The following TEAD4 variants were observed in gnomAD, a reference collection of about 807,000 sequenced individuals.
The protein encoded by TEAD4 is transcriptional enhancer factor TEF-3.
A neutral mutation model predicts 52.4 loss-of-function variants in TEAD4; 36 were observed. The ratio of observed to expected loss-of-function variants is 0.69; its 90% CI spans 0.53 to 0.91. The LOEUF (loss-of-function observed/expected upper bound fraction) is 0.91. Among genes scored for constraint, TEAD4 ranks in the 40% least tolerant of loss-of-function variants. The pLI is 0.00. For missense variants in TEAD4, 508 were observed against 583.9 expected (o/e 0.87, Z 1.34); for synonymous variants, 220 against 231.0 (o/e 0.95, Z 0.43).
intron 3 of TEAD4, among the ~76,000 whole-genome samples, chr12:2,997,347 C>G: frequency 6.6e-6 from 1 of 152,322 alleles, no homozygotes; most frequent in East Asian, 1.9e-4. Context: ...TTACTTTTAG[C>G]GCCTGGGGAA....
At chr12:3,001,176 A>G (rs2098251407) in intron 3 of TEAD4, among the ~76,000 whole-genome samples, 1 of 152,202 alleles carries the variant, frequency 6.6e-6, no homozygotes, top group Non-Finnish European at 1.5e-5. Flanking sequence ...TGTAAAGTGG[A>G]GGTCATAATA....
At chr12:2,986,051 A>G (rs1306959925) in intron 2 of TEAD4, among the ~76,000 whole-genome samples, 2 of 152,032 alleles carry the variant, frequency 1.3e-5, no homozygotes, top group Non-Finnish European at 2.9e-5. Context: ...GCGTCACTGC[A>G]TTCCAGCCTG....
At chr12:2,963,254 C>G (rs1218312739) in intron 2 of TEAD4, among the ~76,000 whole-genome samples, 1 of 152,228 alleles carries the variant, frequency 6.6e-6, no homozygotes, top group African/African-American at 2.4e-5. Flanking sequence ...GTGACTGTCA[C>G]AAAGCAATGC....
At chr12:3,035,823 C>CA (rs760133553) in intron 10 of TEAD4, among the ~76,000 whole-genome samples, 91,128 of 120,750 alleles carry the variant, frequency 0.75, 37,523 homozygotes, top group East Asian at 0.93. Context: ...CTGTCTTTAA[C>CA]AAAAAAAAAA....
chr12:3,015,251 T>C (rs1373713315), intron 5 of TEAD4, among the ~76,000 whole-genome samples: 6 of 151,764 alleles, frequency 4.0e-5, no homozygotes, highest in Admixed American at 6.6e-5. Flanking sequence ...TTGGTTTGCA[T>C]GGCCCCCCGT....
intron 3 of TEAD4, among the ~76,000 whole-genome samples, chr12:2,996,280 C>T (rs2098247063): frequency 6.6e-6 from 1 of 152,166 alleles, no homozygotes; most frequent in Non-Finnish European, 1.5e-5. Context: ...GGTGCCACCC[C>T]CACCATTGTT....
intron 2 of TEAD4, among the ~76,000 whole-genome samples, chr12:2,974,675 G>A (rs111509351): frequency 1.3e-5 from 2 of 152,204 alleles, no homozygotes; most frequent in Non-Finnish European, 2.9e-5. Flanking sequence ...GGCATTCCCC[G>A]GTGTGGAGAC....
At chr12:3,035,829 A>AC (rs1307149375) in intron 10 of TEAD4, among the ~76,000 whole-genome samples, 2 of 150,488 alleles carry the variant, frequency 1.3e-5, no homozygotes, top group Admixed American at 6.6e-5. Context: ...TTAACAAAAA[A>AC]AAAAAAAAAG....
In TEAD4 at chr12:3,040,139, C is replaced by T. The variant is rs772765432; in HGVS notation, c.1071C>T (p.Tyr357=). The change falls in exon 12 of 13, where the codon TAC becomes TAT. Residue 357 remains tyrosine, a synonymous_variant. Transcript: ENST00000359864. ...ATGCTCGCTATGAGAATGGACACTA[C>T]TCTTACCGCATCCACCGGTCCCCGC... 12 of 1,614,202 alleles carry T rather than the reference C, an allele frequency of 7.4e-6. No homozygotes were observed. The highest frequency in any genetic ancestry group is 5.9e-6 in the Non-Finnish European group (7 of 1,180,042).
chr12:3,018,282 ACT>A (rs771705509), intron 6 of TEAD4, among the ~76,000 whole-genome samples: 73 of 152,144 alleles, frequency 4.8e-4, no homozygotes, highest in African/African-American at 1.1e-3. Context: ...CTGCACTGTG[ACT>A]CTGCAGGAGT....
intron 3 of TEAD4, among the ~76,000 whole-genome samples, chr12:3,009,147 G>T (rs2098258202): frequency 6.6e-6 from 1 of 152,250 alleles, no homozygotes; most frequent in Non-Finnish European, 1.5e-5. Flanking sequence ...AGACGGCTGG[G>T]CTGGGTGCAG....
At chr12:2,971,040 C>T (rs1305253576) in intron 2 of TEAD4, among the ~76,000 whole-genome samples, 1 of 152,248 alleles carries the variant, frequency 6.6e-6, no homozygotes, top group Non-Finnish European at 1.5e-5. Context: ...TGCACCTGCC[C>T]TCACCCAATC....
chr12:3,018,493 G>T, intron 6 of TEAD4, 52 bp from the exon 7 acceptor site: 1 of 1,612,856 alleles, frequency 6.2e-7, no homozygotes, highest in Middle Eastern at 1.7e-4. Context: ...CACACCACAG[G>T]GCCCCGGGTG....
At chr12:3,021,779 G>A (rs1357169773) in intron 9 of TEAD4, 65 bp from the exon 10 acceptor site, 1 of 1,567,534 alleles carries the variant, frequency 6.4e-7, no homozygotes, top group Non-Finnish European at 8.7e-7. Flanking sequence ...GGCACGCAGA[G>A]CCAGGGTTGT....
At chr12:3,038,995 T>G (rs1280295250) in intron 11 of TEAD4, among the ~76,000 whole-genome samples, 2 of 152,186 alleles carry the variant, frequency 1.3e-5, no homozygotes, top group Non-Finnish European at 2.9e-5. Flanking sequence ...GTCCCTCTCC[T>G]CACCCCTTCC....
At chr12:2,979,246 A>C (rs544778452) in intron 2 of TEAD4, among the ~76,000 whole-genome samples, 3 of 152,268 alleles carry the variant, frequency 2.0e-5, no homozygotes. Context: ...ATCATCCTCC[A>C]TTACCTGGAT....
intron 2 of TEAD4, among the ~76,000 whole-genome samples, chr12:2,988,612 A>G (rs538496808): frequency 2.6e-5 from 4 of 152,078 alleles, no homozygotes; most frequent in Admixed American, 1.3e-4. Flanking sequence ...TTTGTATGCT[A>G]ATGAGTCGAT....
chr12:2,986,825 C>T (rs1316452845), intron 2 of TEAD4, among the ~76,000 whole-genome samples: 1 of 152,118 alleles, frequency 6.6e-6, no homozygotes, highest in African/African-American at 2.4e-5. Flanking sequence ...ACACCAGTGC[C>T]ACCAGACACG....
chr12:3,040,203 C>T lies in TEAD4; in HGVS notation c.1135C>T (p.His379Tyr). ...GATCAACTTCATCCACAAGCTCAAGCACCTCCCTGAGAAGTACATGATGAA... is the reference window on the plus strand; with the variant it reads ...GATCAACTTCATCCACAAGCTCAAGTACCTCCCTGAGAAGTACATGATGAA... The change falls in exon 12 of 13, where the codon CAC (histidine) becomes TAC (tyrosine). Residue 379 changes from histidine to tyrosine, a missense_variant. Coordinates refer to ENST00000359864, the MANE Select transcript of TEAD4 (RefSeq NM_003213.4). 6.2e-7 allele frequency: 1 copy of T among 1,614,240 alleles called. No homozygotes were observed. Among genetic ancestry groups the T allele is most frequent in the Non-Finnish European group, 8.5e-7 (1 of 1,180,052 alleles).
Sources: gnomAD v4.1 joint callset for allele counts (sites outside exome capture counted in the v4.1 genomes callset) on GRCh38, gnomAD v4.1.1 for gene constraint, MANE v1.5 for transcripts, NCBI Gene and HGNC (gene_info 2026-07-23, HGNC 2026-07-21) for gene names.